PCSK9: variants seen among roughly 807,000 people sequenced by gnomAD.
PCSK9 encodes the protein convertase subtilisin/kexin type 9 preproprotein.
A neutral mutation model predicts 62.1 loss-of-function variants in PCSK9; 57 were observed. The ratio of observed to expected loss-of-function variants is 0.92; its 90% CI spans 0.74 to 1.14. The LOEUF is 1.14. Among genes scored for constraint, PCSK9 ranks in the 50% most tolerant of loss-of-function variants. PCSK9 has a pLI of 0.00. For missense variants in PCSK9, 870 were observed against 959.8 expected (o/e 0.91, Z 1.24); for synonymous variants, 387 against 409.4 (o/e 0.95, Z 0.66).
chr1:55,063,308 G>T, intron 11 of PCSK9, 61 bp from the exon 12 acceptor site: 2 of 1,543,188 alleles, frequency 1.3e-6, no homozygotes, highest in South Asian at 2.3e-5. Flanking sequence ...GAGAAATGAA[G>T]TGTGGGTGGG....
At chr1:55,050,937 T>C (rs889052573) in intron 3 of PCSK9, 1 of 357,400 alleles carries the variant, frequency 2.8e-6, no homozygotes, top group Non-Finnish European at 5.5e-6. Flanking sequence ...TGTGTCTTTA[T>C]GAGAGAAAGG....
intron 2 of PCSK9, among the ~76,000 whole-genome samples, chr1:55,046,309 G>T (rs1421186617): frequency 6.6e-6 from 1 of 152,336 alleles, no homozygotes; most frequent in Non-Finnish European, 1.5e-5. Flanking sequence ...AGACCGTGTT[G>T]CAGGGATATG....
chr1:55,056,067 G>A lies in PCSK9; in HGVS notation c.874G>A (p.Gly292Arg). The A allele has an allele frequency of 6.2e-7, 1 of 1,600,946 alleles. No individual in the cohort carries two copies. Among genetic ancestry groups the A allele is most frequent in the South Asian group, 1.1e-5 (1 of 90,074 alleles). ...GGTGGTGCTGCTGCCCCTGGCGGGT[G>A]GGTACAGCCGCGTCCTCAACGCCGC... ...PLVVLLPLAG[G>R]YSRVLNAACQ... is the part of the protein sequence containing the mutation. Residue 292 changes from glycine to arginine, a missense_variant, in exon 6 of 12, where the codon GGG becomes AGG. By Grantham distance (125) the Gly-to-Arg change is moderately radical (BLOSUM62 -2). Coordinates refer to ENST00000302118, the MANE Select transcript of PCSK9 (RefSeq NM_174936.4).
chr1:55,059,682 C>T lies in PCSK9; in HGVS notation c.1681+19C>T, dbSNP rs1644744343. 5 of 1,548,166 alleles carry T rather than the reference C, an allele frequency of 3.2e-6. No individual in the cohort carries two copies. In the South Asian group the frequency reaches 6.0e-5, roughly 18 times the overall value. On this transcript the variant is annotated intron_variant, in intron 10 of 11. Coordinates refer to ENST00000302118, the MANE Select transcript of PCSK9 (RefSeq NM_174936.4). ...CTCACAGGTAGGAGGCTGGGCTTGCCCTGGGGTGAGGAGGGGTCTCTTTCT... is the reference window on the plus strand; with the variant it reads ...CTCACAGGTAGGAGGCTGGGCTTGCTCTGGGGTGAGGAGGGGTCTCTTTCT...
Position 55,058,206 on chromosome 1 carries a change from G to A in PCSK9, c.1351G>A (p.Ala451Thr), listed in dbSNP as rs983143621. Residue 451 changes from alanine to threonine, a missense_variant, in exon 8 of 12, where the codon GCA becomes ACA. Transcript: ENST00000302118. ...VAALPPSTHG[A>T]GWQLFCRTVW... ...CGCCCTGCCCCCCAGCACCCATGGGGCAGGTAAGCAGGATGGCAGGGTGGG... is the reference window on the plus strand; with the variant it reads ...CGCCCTGCCCCCCAGCACCCATGGGACAGGTAAGCAGGATGGCAGGGTGGG... The A allele has an allele frequency of 3.1e-6, 5 of 1,611,728 alleles. No homozygotes were observed. Among genetic ancestry groups the A allele is most frequent in the Non-Finnish European group, 4.2e-6 (5 of 1,178,936 alleles).
Position 55,039,749 on chromosome 1 carries a change from C to G in PCSK9, c.-89C>G. ...GAACTTCAGCTCCTGCACAGTCCTC[C>G]CCACCGCAAGGCTCAAGGCGCCGCC... On this transcript the variant is annotated 5_prime_UTR_variant, in exon 1 of 12. Coordinates refer to ENST00000302118, the MANE Select transcript of PCSK9 (RefSeq NM_174936.4). The G allele has an allele frequency of 1.6e-5, 24 of 1,455,674 alleles. No homozygotes were observed. Among genetic ancestry groups the G allele is most frequent in the Non-Finnish European group, 2.2e-5 (23 of 1,060,552 alleles). 90.2% of individuals were successfully genotyped at this position (1,455,674 alleles called of 1,614,324 possible).
At chr1:55,060,131 C>T (rs187592053) in intron 10 of PCSK9, among the ~76,000 whole-genome samples, 218 of 152,332 alleles carry the variant, frequency 1.4e-3, no homozygotes, top group Non-Finnish European at 1.5e-3. Flanking sequence ...AGCTTAGTGC[C>T]GGGACAATAT....
chr1:55,039,612 A>G lies in PCSK9; in HGVS notation c.-226A>G. ...CGTTCAGTTCAGGGTCTGAGCCTGGAGGAGTGAGCCAGGCAGTGAGACTGG... is the reference window on the plus strand; with the variant it reads ...CGTTCAGTTCAGGGTCTGAGCCTGGGGGAGTGAGCCAGGCAGTGAGACTGG... On this transcript the variant is annotated 5_prime_UTR_variant, in exon 1 of 12. Transcript: ENST00000302118. 1 of 610,608 alleles carries G rather than the reference A, an allele frequency of 1.6e-6. No homozygotes were observed. Among genetic ancestry groups the G allele is most frequent in the Non-Finnish European group, 2.9e-6 (1 of 347,642 alleles). The allele number at this position is 610,608 out of a possible 1,614,324, so 37.8% of individuals were successfully genotyped here.
chr1:55,042,030 T>A (rs1025809302), intron 1 of PCSK9, among the ~76,000 whole-genome samples: 3 of 152,128 alleles, frequency 2.0e-5, no homozygotes, highest in African/African-American at 7.2e-5. Context: ...CACTGCAACA[T>A]CTGTCTCCCG....
intron 5 of PCSK9, among the ~76,000 whole-genome samples, chr1:55,055,755 C>G (rs971960903): frequency 5.3e-5 from 8 of 152,198 alleles, no homozygotes; most frequent in Non-Finnish European, 1.0e-4. Flanking sequence ...AGGCCTTCAA[C>G]TGATTAAATG....
chr1:55,053,016 G>T (rs2100300553), intron 5 of PCSK9, among the ~76,000 whole-genome samples: 1 of 152,340 alleles, frequency 6.6e-6, no homozygotes, highest in South Asian at 2.1e-4. Flanking sequence ...AGCCCAGGGA[G>T]TTCAGCCTTG....
At chr1:55,058,320 A>T in intron 8 of PCSK9, 111 bp downstream of exon 8, 1 of 1,481,110 alleles carries the variant, frequency 6.8e-7, no homozygotes, top group Non-Finnish European at 9.2e-7. Flanking sequence ...ACGCCACCTT[A>T]AATAGGATTA....
At chr1:55,055,611 G>A (rs1294319474) in intron 5 of PCSK9, among the ~76,000 whole-genome samples, 1 of 152,172 alleles carries the variant, frequency 6.6e-6, no homozygotes, top group Non-Finnish European at 1.5e-5. Context: ...CGTGCGGGCT[G>A]GCAAGTCTGA....
At chr1:55,046,669 GC>G in intron 3 of PCSK9, 23 bp downstream of exon 3, 1 of 1,612,466 alleles carries the variant, frequency 6.2e-7, no homozygotes, top group Non-Finnish European at 8.5e-7. Context: ...TCTGTGCCCT[GC>G]CCCACCCCAT....
At position 55,058,591 on chromosome 1, in the gene PCSK9, C is replaced by T; in HGVS notation, c.1447C>T (p.Leu483=). ...AVARCAPDEE[L]LSCSSFSRSG... is the part of the protein sequence containing the mutation. ...CGCCCGCTGCGCCCCAGATGAGGAG[C>T]TGCTGAGCTGCTCCAGTTTCTCCAG... is the stretch of plus-strand genomic sequence containing the variant. Residue 483 remains leucine (L), a synonymous_variant, in exon 9 of 12, where the codon CTG becomes TTG. Transcript: ENST00000302118. 1.9e-6 allele frequency: 3 copies of T among 1,611,996 alleles called. No homozygotes were observed. Among genetic ancestry groups the T allele is most frequent in the Non-Finnish European group, 2.5e-6 (3 of 1,179,998 alleles).
At chr1:55,049,684 CT>C (rs1328339146) in intron 3 of PCSK9, among the ~76,000 whole-genome samples, 2 of 152,234 alleles carry the variant, frequency 1.3e-5, no homozygotes, top group Non-Finnish European at 2.9e-5. Flanking sequence ...CCTGTGGGGG[CT>C]TTTACCAGGC....
intron 10 of PCSK9, among the ~76,000 whole-genome samples, chr1:55,059,987 A>G (rs377727000): frequency 5.9e-5 from 9 of 152,330 alleles, no homozygotes; most frequent in East Asian, 5.8e-4. Context: ...AGGCAGCTCC[A>G]GAGAGAGGCC....
At chr1:55,045,160 C>T (rs1203554493) in intron 2 of PCSK9, among the ~76,000 whole-genome samples, 1 of 152,102 alleles carries the variant, frequency 6.6e-6, no homozygotes, top group African/African-American at 2.4e-5. Context: ...ACCCGTATAG[C>T]ACCAGATGAC....
chr1:55,044,594 T>A (rs1010500191), intron 2 of PCSK9, among the ~76,000 whole-genome samples: 3 of 149,792 alleles, frequency 2.0e-5, no homozygotes, highest in African/African-American at 7.5e-5. Context: ...CTTCAAATCT[T>A]AAAAAAACGT....
Sources: allele counts gnomAD v4.1 joint callset (sites outside exome capture counted in the v4.1 genomes callset), GRCh38; gene constraint gnomAD v4.1.1; transcripts MANE v1.5; gene names NCBI Gene and HGNC (gene_info 2026-07-23, HGNC 2026-07-21).